The following MTO1 variants were observed in gnomAD, a reference collection of about 807,000 sequenced individuals.
The protein encoded by MTO1 is 5-taurinomethyluridine-[tRNA] synthase subunit MTO1, mitochondrial.
Under a neutral mutation model 71.6 loss-of-function variants are expected in MTO1, and 46 were observed. The observed-to-expected ratio is 0.64, with a 90% confidence interval of 0.51 to 0.82. The LOEUF is 0.82. Among genes scored for constraint, MTO1 ranks in the 40% least tolerant of loss-of-function variants. MTO1 has a pLI of 0.00. For synonymous variants in MTO1, 297 were observed against 312.1 expected, an observed-to-expected ratio of 0.95 and a Z score of 0.51; for missense variants, 773 against 867.5, an observed-to-expected ratio of 0.89 and a Z score of 1.37.
At chr6:73,488,735 C>G (rs1218586407) in intron 9 of MTO1, among the ~76,000 whole-genome samples, 1 of 151,744 alleles carries the variant, frequency 6.6e-6, no homozygotes, top group East Asian at 1.9e-4. Context: ...GTGGCAAAAC[C>G]CCATCTCTAC....
intron 10 of MTO1, among the ~76,000 whole-genome samples, chr6:73,493,493 C>G (rs1233559875): frequency 6.6e-6 from 1 of 150,630 alleles, no homozygotes; most frequent in Non-Finnish European, 1.5e-5. Flanking sequence ...CAGGTTCATG[C>G]AATTCTCCTG....
chr6:73,480,280 T>A, intron 6 of MTO1, 154 bp downstream of exon 6: 2 of 888,454 alleles, frequency 2.3e-6, no homozygotes, highest in South Asian at 1.4e-5. Flanking sequence ...TTTGTTTGTT[T>A]GTTTGTTTTG....
chr6:73,479,274 C>T (rs1382662292), intron 4 of MTO1, among the ~76,000 whole-genome samples: 1 of 151,916 alleles, frequency 6.6e-6, no homozygotes, highest in African/African-American at 2.4e-5. Context: ...GCAGGTGGAT[C>T]GCCTGAGGTC....
chr6:73,465,248 C>T (rs897482281), intron 1 of MTO1, among the ~76,000 whole-genome samples: 2 of 151,780 alleles, frequency 1.3e-5, no homozygotes, highest in East Asian at 3.9e-4. Context: ...ACTGCAACCT[C>T]AGCCTCCCAG....
chr6:73,473,774 T>C (rs1771223726), intron 4 of MTO1, 120 bp downstream of exon 4: 1 of 733,470 alleles, frequency 1.4e-6, no homozygotes. Flanking sequence ...TTGCTTATAG[T>C]GCAAAGAAAT....
intron 4 of MTO1, among the ~76,000 whole-genome samples, chr6:73,474,189 T>A (rs566057263): frequency 6.6e-6 from 1 of 151,754 alleles, no homozygotes; most frequent in Admixed American, 6.6e-5. Flanking sequence ...GCCTCCTGGG[T>A]TCAAGCAGTT....
chr6:73,466,675 G>A (rs1483508692), intron 3 of MTO1, 69 bp downstream of exon 3: 3 of 1,377,864 alleles, frequency 2.2e-6, no homozygotes, highest in Non-Finnish European at 3.1e-6. Flanking sequence ...TTATTTTAGA[G>A]CAAAGTGTGG....
rs1306856328 is a variant in MTO1 at position 73,506,424 on chromosome 6, A to G, written c.*5689A>G. On this transcript the variant is annotated 3_prime_UTR_variant, in exon 12 of 12. Coordinates refer to ENST00000498286, the MANE Select transcript of MTO1 (RefSeq NM_012123.4). ...TGAATCACAAGGGCCGGTTTTTACC[A>G]TGCTTTCTTGTGATAGTGAATAAGT... The G allele has an allele frequency of 6.6e-6, 1 of 152,362 alleles. No individual in the cohort carries two copies. The highest frequency in any genetic ancestry group is 2.4e-5 in the African/African-American group (1 of 41,442). 9.4% of individuals were successfully genotyped at this position (152,362 alleles called of 1,614,324 possible).
chr6:73,477,593 G>A (rs967661363), intron 4 of MTO1, among the ~76,000 whole-genome samples: 2 of 147,830 alleles, frequency 1.4e-5, no homozygotes, highest in Admixed American at 6.8e-5. Context: ...TGTAACCTCC[G>A]CCTCCCAGGC....
intron 3 of MTO1, among the ~76,000 whole-genome samples, chr6:73,472,021 C>G (rs1771173447): frequency 6.6e-6 from 1 of 152,012 alleles, no homozygotes; most frequent in Non-Finnish European, 1.5e-5. Flanking sequence ...AGGACAAAAC[C>G]TTAATGTGTA....
rs755838326 is a variant in MTO1 at position 73,492,238 on chromosome 6, C to G, written c.1642C>G (p.Leu548Val). 39 of 1,606,316 alleles carry G rather than the reference C, an allele frequency of 2.4e-5. No homozygotes were observed. In the Middle Eastern group the frequency reaches 4.9e-4, roughly 20 times the overall value. ...GAAACTTTCATATATTTGCAGAGCTCTCGATGTTCTGAAGTATGAGGAAGT... is the reference window on the plus strand; with the variant it reads ...GAAACTTTCATATATTTGCAGAGCTGTCGATGTTCTGAAGTATGAGGAAGT... ...STSRSLPVRA[L>V]DVLKYEEVDM... Residue 548 changes from leucine to valine, a missense_variant, in exon 10 of 12, where the codon CTC (leucine) becomes GTC (valine). Leu to Val is a conservative substitution (Grantham distance 32). Transcript: ENST00000498286.
At chr6:73,485,373 C>T (rs1771620885) in intron 9 of MTO1, among the ~76,000 whole-genome samples, 1 of 151,802 alleles carries the variant, frequency 6.6e-6, no homozygotes, top group Admixed American at 6.6e-5. Context: ...TATTTCCCTT[C>T]AGGAGGAATC....
rs771502121 is a variant in MTO1 at position 73,466,306 on chromosome 6, C to T, written c.315C>T (p.Asp105=). The T allele has an allele frequency of 1.2e-6, 2 of 1,614,032 alleles. No homozygotes were observed. Among genetic ancestry groups the T allele is most frequent in the South Asian group, 2.2e-5 (2 of 91,084 alleles). The part of the protein sequence containing the change: ...ALDGLCSRIC[D]QSGVHYKVLN... Reference sequence around the variant, plus strand: ...ATGGCCTGTGTTCTCGCATCTGTGACCAGTCTGGTGTACATTATAAAGTAT... The same window carrying T: ...ATGGCCTGTGTTCTCGCATCTGTGATCAGTCTGGTGTACATTATAAAGTAT... The change falls in exon 2 of 12, where the codon GAC becomes GAT. Residue 105 remains aspartate (D), a synonymous_variant. Coordinates refer to ENST00000498286, the MANE Select transcript of MTO1 (RefSeq NM_012123.4).
intron 6 of MTO1, 112 bp from the exon 7 acceptor site, chr6:73,480,563 C>G (rs375913873): frequency 2.3e-5 from 31 of 1,372,380 alleles, no homozygotes; most frequent in Middle Eastern, 1.9e-4. Context: ...AGCCACTGCT[C>G]CTGACCTAAA....
chr6:73,480,580 G>A, intron 6 of MTO1, 95 bp from the exon 7 acceptor site: 19 of 1,484,952 alleles, frequency 1.3e-5, no homozygotes, highest in Non-Finnish European at 1.7e-5. Flanking sequence ...TAAATAGTCT[G>A]TTTTTAAAGG....
chr6:73,479,553 A>T (rs1771427012), intron 4 of MTO1, among the ~76,000 whole-genome samples, 179 bp from the exon 5 acceptor site: 1 of 152,196 alleles, frequency 6.6e-6, no homozygotes, highest in African/African-American at 2.4e-5. Context: ...GTTTTGCTTA[A>T]ATTTAACTTC....
rs938204971 is a variant in MTO1, at chr6:73,484,955, G to A, written c.1637+2335G>A. Among the ~76,000 whole-genome samples, 4 of 151,172 alleles carry A rather than the reference G, an allele frequency of 2.6e-5. No homozygotes were observed. The East Asian group carries it at 5.8e-4, about 22-fold the overall frequency. On this transcript the variant is annotated intron_variant, in intron 9 of 11. Coordinates refer to ENST00000498286, the MANE Select transcript of MTO1 (RefSeq NM_012123.4). ...CCAGCTATTCAAGAGGCTGAGGGAG[G>A]AGAATCACTTGAACCTAGAAGGCAG... is the stretch of plus-strand genomic sequence containing the variant.
At chr6:73,482,789 C>CTTTTTTTTT (rs35121302) in intron 9 of MTO1, among the ~76,000 whole-genome samples, 169 bp downstream of exon 9, 3 of 92,144 alleles carry the variant, frequency 3.3e-5, no homozygotes, top group Non-Finnish European at 3.9e-5. Context: ...TTTTTTCTTT[C>CTTTTTTTTT]TTTTTTTTTT....
chr6:73,464,835 C>CA (rs70996805), intron 1 of MTO1, among the ~76,000 whole-genome samples: 5,438 of 28,122 alleles, frequency 0.19, 806 homozygotes, highest in East Asian at 0.27. Context: ...AACTCTGTCT[C>CA]AAAAAAAAAA....
Sources: allele counts gnomAD v4.1 joint callset (sites outside exome capture counted in the v4.1 genomes callset), GRCh38; gene constraint gnomAD v4.1.1; transcripts MANE v1.5; gene names NCBI Gene and HGNC (gene_info 2026-07-23, HGNC 2026-07-21).